Variants in SDCCAG8 observed in about 807,000 individuals in gnomAD.
SDCCAG8 encodes serologically defined colon cancer antigen 8.
In SDCCAG8, 74 loss-of-function variants were observed where a neutral mutation model predicts 101.8. The ratio of observed to expected loss-of-function variants is 0.73; its 90% CI spans 0.60 to 0.88. SDCCAG8 has a LOEUF of 0.88. SDCCAG8 is among the 40% of genes least tolerant of loss of function. The probability of loss-of-function intolerance (pLI) is 0.00; values close to 1 mark genes in which losing one functional copy is unlikely to be tolerated. For synonymous variants in SDCCAG8, 281 were observed against 292.9 expected, an observed-to-expected ratio of 0.96 and a Z score of 0.41; for missense variants, 787 against 822.6, an observed-to-expected ratio of 0.96 and a Z score of 0.53.
rs755711791 is a variant in SDCCAG8 at position 243,286,277 on chromosome 1, A to G, written c.426A>G (p.Glu142=). 2 of 1,613,996 alleles carry G rather than the reference A, an allele frequency of 1.2e-6. No homozygotes were observed. The highest frequency in any genetic ancestry group is 1.7e-6 in the Non-Finnish European group (2 of 1,179,860). Residue 142 remains glutamate (E), a synonymous_variant, in exon 5 of 18, where the codon GAA becomes GAG. Coordinates refer to ENST00000366541, the MANE Select transcript of SDCCAG8 (RefSeq NM_006642.5). The stretch of plus-strand genomic sequence containing the variant: ...TTTGGTTTTGTTTATTATAGGAGGA[A>G]CTCTCTGGAATGAAAAATAAAATAC... The part of the protein sequence containing the change: ...LEAEVKFCKE[E]LSGMKNKIQV...
chr1:243,340,973 A>C, intron 10 of SDCCAG8, 66 bp from the exon 11 acceptor site: 1 of 1,520,284 alleles, frequency 6.6e-7, no homozygotes, highest in Admixed American at 1.7e-5. Context: ...CTATTAATTC[A>C]AGAAAGTTTT....
At chr1:243,409,767 G>C (rs755106107) in intron 13 of SDCCAG8, among the ~76,000 whole-genome samples, 28 of 152,264 alleles carry the variant, frequency 1.8e-4, no homozygotes, top group African/African-American at 6.0e-4. Flanking sequence ...ATGAATCCAT[G>C]ACTCCATGCT....
At chr1:243,456,245 G>A (rs971447348) in intron 16 of SDCCAG8, among the ~76,000 whole-genome samples, 1 of 152,138 alleles carries the variant, frequency 6.6e-6, no homozygotes, top group Non-Finnish European at 1.5e-5. Flanking sequence ...AAGAGTCATC[G>A]GGTTCTGCTC....
chr1:243,493,093 G>C (rs751659212), intron 17 of SDCCAG8, among the ~76,000 whole-genome samples: 7 of 152,138 alleles, frequency 4.6e-5, no homozygotes, highest in Non-Finnish European at 8.8e-5. Context: ...CCCACACTCT[G>C]TATTCCGGGA....
At chr1:243,439,476 T>A (rs932259959) in intron 16 of SDCCAG8, among the ~76,000 whole-genome samples, 2 of 151,936 alleles carry the variant, frequency 1.3e-5, no homozygotes, top group African/African-American at 4.8e-5. Context: ...ATACAAAAAA[T>A]TAACCAGGTG....
chr1:243,287,873 G>A (rs1284564407), intron 5 of SDCCAG8, among the ~76,000 whole-genome samples: 1 of 152,200 alleles, frequency 6.6e-6, no homozygotes, highest in African/African-American at 2.4e-5. Context: ...AAGTGAATCA[G>A]AGGGCAAGAG....
chr1:243,382,401 T>C (rs924891450), intron 13 of SDCCAG8, among the ~76,000 whole-genome samples: 26 of 152,312 alleles, frequency 1.7e-4, no homozygotes, highest in Non-Finnish European at 3.5e-4. Context: ...AAGAATGGTT[T>C]TTATATTTTT....
rs374451621 is a variant in SDCCAG8 at position 243,308,193 on chromosome 1, C to T, written c.929+16C>T. On this transcript the variant is annotated intron_variant, in intron 8 of 17. Coordinates refer to ENST00000366541, the MANE Select transcript of SDCCAG8 (RefSeq NM_006642.5). ...GACTGGTTAAGTAAGTATGCTTCTA[C>T]GCGCACGGAGACTTTGGCAATATGG... 166 of 1,613,748 alleles carry T rather than the reference C, an allele frequency of 1.0e-4. No homozygotes were observed. Among genetic ancestry groups the T allele is most frequent in the South Asian group, 2.7e-4 (25 of 91,078 alleles).
At chr1:243,423,601 GATTGTTTCCTTA>G (rs1558447533) in intron 15 of SDCCAG8, among the ~76,000 whole-genome samples, 1 of 152,030 alleles carries the variant, frequency 6.6e-6, no homozygotes, top group Non-Finnish European at 1.5e-5. Context: ...CTAAATTTTT[GATTGTTTCCTTA>G]ATTGCTGGTC....
At chr1:243,477,997 T>C (rs1443394183) in intron 16 of SDCCAG8, among the ~76,000 whole-genome samples, 1 of 152,222 alleles carries the variant, frequency 6.6e-6, no homozygotes, top group Non-Finnish European at 1.5e-5. Flanking sequence ...ACCATTAGTC[T>C]ACAATAGATT....
intron 4 of SDCCAG8, among the ~76,000 whole-genome samples, chr1:243,283,141 C>A (rs1163059317): frequency 6.6e-6 from 1 of 152,104 alleles, no homozygotes; most frequent in Non-Finnish European, 1.5e-5. Context: ...AGCCACCGCA[C>A]CCGGCCTGAT....
chr1:243,366,554 C>T (rs1198835844), intron 12 of SDCCAG8, among the ~76,000 whole-genome samples: 1 of 151,974 alleles, frequency 6.6e-6, no homozygotes, highest in Non-Finnish European at 1.5e-5. Flanking sequence ...ACTTCACTTA[C>T]TGAGTCCTGA....
chr1:243,320,915 C>T (rs1341246678), intron 9 of SDCCAG8, among the ~76,000 whole-genome samples: 2 of 152,204 alleles, frequency 1.3e-5, no homozygotes, highest in East Asian at 3.8e-4. Flanking sequence ...TCTTAGCCTA[C>T]ATGGTACTCC....
intron 12 of SDCCAG8, among the ~76,000 whole-genome samples, chr1:243,360,144 C>CTT (rs397860448): frequency 2.1e-4 from 24 of 112,844 alleles, no homozygotes; most frequent in East Asian, 4.6e-4. Context: ...GCAACAGTCT[C>CTT]TTTTTTTTTT....
At chr1:243,304,401 TTG>T (rs2071868723) in intron 6 of SDCCAG8, among the ~76,000 whole-genome samples, 1 of 152,250 alleles carries the variant, frequency 6.6e-6, no homozygotes, top group Non-Finnish European at 1.5e-5. Flanking sequence ...CTAATAAGAT[TTG>T]ATCTTTGCCC....
intron 16 of SDCCAG8, among the ~76,000 whole-genome samples, chr1:243,449,411 A>C (rs532755976): frequency 6.6e-6 from 1 of 152,356 alleles, no homozygotes; most frequent in Non-Finnish European, 1.5e-5. Flanking sequence ...TGTTTTTAAA[A>C]AATCAGCTAA....
At chr1:243,455,998 T>G (rs2083716222) in intron 16 of SDCCAG8, among the ~76,000 whole-genome samples, 1 of 152,208 alleles carries the variant, frequency 6.6e-6, no homozygotes, top group South Asian at 2.1e-4. Flanking sequence ...GGATGCGTGT[T>G]GCAGGAGCAA....
chr1:243,427,576 A>C (rs572002224), intron 16 of SDCCAG8, among the ~76,000 whole-genome samples: 167 of 152,166 alleles, frequency 1.1e-3, no homozygotes, highest in Non-Finnish European at 1.9e-3. Context: ...TTTCCCAGCC[A>C]TCCATGCCTT....
At chr1:243,332,672 G>A (rs2074698786) in intron 10 of SDCCAG8, among the ~76,000 whole-genome samples, 1 of 151,976 alleles carries the variant, frequency 6.6e-6, no homozygotes, top group Admixed American at 6.5e-5. Context: ...GTCTGGAGGT[G>A]ATTATCGCAG....
Sources: allele counts gnomAD v4.1 joint callset (sites outside exome capture counted in the v4.1 genomes callset), GRCh38; gene constraint gnomAD v4.1.1; transcripts MANE v1.5; gene names NCBI Gene and HGNC (gene_info 2026-07-23, HGNC 2026-07-21).